CDH13: variants seen among roughly 807,000 people sequenced by gnomAD.
CDH13 encodes the protein cadherin 13, also known as cadherin-13.
CDH13 carries 24 observed loss-of-function variants against 63.8 expected under a neutral mutation model. That is an observed-to-expected ratio of 0.38 (90% CI 0.27 to 0.53). The LOEUF (loss-of-function observed/expected upper bound fraction) is 0.53. Among genes scored for constraint, CDH13 ranks in the 20% least tolerant of loss-of-function variants. CDH13 has a pLI of 0.85. For missense variants in CDH13, 1,049 were observed against 903.1 expected (o/e 1.16, Z -2.07); for synonymous variants, 503 against 355.3 (o/e 1.42, Z -4.67).
At chr16:82,873,510 T>C (rs1313458655) in intron 2 of CDH13, among the ~76,000 whole-genome samples, 3 of 152,164 alleles carry the variant, frequency 2.0e-5, no homozygotes, top group South Asian at 2.1e-4. Flanking sequence ...CACAGGACAG[T>C]GGTGTGGGCT....
At chr16:82,750,373 C>T (rs143138215) in intron 1 of CDH13, among the ~76,000 whole-genome samples, 3 of 152,264 alleles carry the variant, frequency 2.0e-5, no homozygotes, top group African/African-American at 7.2e-5. Context: ...CAAGTGTGTG[C>T]CTCTACCAGC....
intron 7 of CDH13, among the ~76,000 whole-genome samples, chr16:83,538,937 A>G (rs1163014924): frequency 6.6e-6 from 1 of 152,196 alleles, no homozygotes. Flanking sequence ...CTACATTTCA[A>G]CTACCAGGGC....
intron 7 of CDH13, among the ~76,000 whole-genome samples, chr16:83,487,772 C>A (rs1481926676): frequency 1.3e-5 from 2 of 152,170 alleles, no homozygotes; most frequent in South Asian, 2.1e-4. Context: ...CTCGGGGGCT[C>A]TGTGCATTTC....
At chr16:83,442,411 C>G (rs1415052207) in intron 6 of CDH13, among the ~76,000 whole-genome samples, 2 of 152,126 alleles carry the variant, frequency 1.3e-5, no homozygotes, top group Admixed American at 6.5e-5. Context: ...GCCAAAGACC[C>G]ATCATTAAAG....
intron 7 of CDH13, among the ~76,000 whole-genome samples, chr16:83,488,604 CTATTTTTT>C (rs2073945201): frequency 6.6e-6 from 1 of 151,886 alleles, no homozygotes. Flanking sequence ...CCAACCCTCC[CTATTTTTT>C]TATTTTTTTA....
In CDH13 at chr16:82,903,519, C is replaced by A. The variant is rs570655870; in HGVS notation, c.157+45046C>A. Among the ~76,000 whole-genome samples, 5 of 152,304 alleles carry A rather than the reference C, an allele frequency of 3.3e-5. No homozygotes were observed. The East Asian group carries it at 7.7e-4, about 24-fold the overall frequency. On this transcript the variant is annotated intron_variant, in intron 2 of 13. Transcript: ENST00000567109. The stretch of plus-strand genomic sequence containing the variant: ...CCTAATTCTGGCCCTTCCTGGCCAC[C>A]CACCCTGCCATTATCTTTCTCTGAC...
rs550041472 is a variant in CDH13, at chr16:83,016,873, TG to T, written c.158-15136del. On this transcript the variant is annotated intron_variant, in intron 2 of 13. Coordinates refer to ENST00000567109, the MANE Select transcript of CDH13 (RefSeq NM_001257.5). ...GGCTACACGTCATTTATGACATTTA[TG>T]AAAACCAAAATTGACATTCTGAAGT... Among the ~76,000 whole-genome samples, 59 of 152,338 alleles carry T rather than the reference TG, an allele frequency of 3.9e-4. No individual in the cohort carries two copies. In the South Asian group the frequency reaches 4.1e-3, roughly 11 times the overall value.
chr16:83,180,397 C>T (rs1005378765), intron 4 of CDH13, among the ~76,000 whole-genome samples: 1 of 151,898 alleles, frequency 6.6e-6, no homozygotes, highest in South Asian at 2.1e-4. Context: ...AGGAACTATC[C>T]TAATATGGAT....
At chr16:83,144,934 C>G (rs1170091986) in intron 4 of CDH13, among the ~76,000 whole-genome samples, 4 of 152,208 alleles carry the variant, frequency 2.6e-5, no homozygotes, top group African/African-American at 9.6e-5. Context: ...GAGGAGCCCT[C>G]TGGAGAACAG....
chr16:83,062,962 ATT>A (rs61186735), intron 3 of CDH13, among the ~76,000 whole-genome samples: 16,624 of 133,864 alleles, frequency 0.12, 1,017 homozygotes, highest in African/African-American at 0.18. Flanking sequence ...GGTGGTTGGC[ATT>A]TTTTTTTTTT....
At chr16:83,696,159 G>A (rs1905373663) in intron 10 of CDH13, among the ~76,000 whole-genome samples, 1 of 152,148 alleles carries the variant, frequency 6.6e-6, no homozygotes, top group African/African-American at 2.4e-5. Context: ...CCACAGTGCT[G>A]GGATTACAGA....
At chr16:83,338,199 A>AC (rs2090642351) in intron 5 of CDH13, among the ~76,000 whole-genome samples, 3 of 151,718 alleles carry the variant, frequency 2.0e-5, no homozygotes, top group Middle Eastern at 3.4e-3. Flanking sequence ...AAAAAAAAAA[A>AC]AAAACAAGTA....
intron 11 of CDH13, among the ~76,000 whole-genome samples, chr16:83,754,450 C>T (rs1439025084): frequency 1.3e-5 from 2 of 152,086 alleles, no homozygotes; most frequent in East Asian, 3.9e-4. Flanking sequence ...CTTTTCAAGC[C>T]CTTACTAAGT....
intron 8 of CDH13, among the ~76,000 whole-genome samples, chr16:83,622,380 G>A (rs1051200158): frequency 2.0e-5 from 3 of 152,186 alleles, no homozygotes; most frequent in Admixed American, 1.3e-4. Context: ...CGAAATGAGA[G>A]AAATCAGGCC....
rs145935832 is a variant in CDH13, at chr16:83,178,772, G to GT, written c.484-38565dup. ...GAATCCATACAGTCATTGAGGCTTT[G>GT]TTTTTTTTCATCTTCCACTCGTTTC... On this transcript the variant is annotated intron_variant, in intron 4 of 13. Transcript: ENST00000567109. 8.7e-3 allele frequency among the ~76,000 whole-genome samples: 1,320 copies of GT among 151,716 alleles called. 23 individuals carry two copies. The highest frequency in any genetic ancestry group is 0.031 in the African/African-American group (1,273 of 41,364).
intron 10 of CDH13, among the ~76,000 whole-genome samples, chr16:83,711,717 A>T (rs1278891126): frequency 6.6e-6 from 1 of 152,130 alleles, no homozygotes; most frequent in Non-Finnish European, 1.5e-5. Context: ...GGATTTCACC[A>T]TGTTGGCCAG....
chr16:83,307,631 G>T (rs1022482802), intron 5 of CDH13, among the ~76,000 whole-genome samples: 3 of 152,176 alleles, frequency 2.0e-5, no homozygotes, highest in African/African-American at 7.2e-5. Context: ...AACCCACACT[G>T]CTTCAGAGTC....
chr16:83,736,003 G>A (rs919878776), intron 10 of CDH13: 1 of 152,114 alleles, frequency 6.6e-6, no homozygotes, highest in African/African-American at 2.4e-5. Context: ...ACCAAGTAAA[G>A]CTTACGTTGC....
chr16:83,098,113 A>G lies in CDH13; in HGVS notation c.367-27272A>G, dbSNP rs9933864. Reference sequence around the variant, plus strand: ...AGGGTCTGGCTTATAACAAAGAGGAAATAATCTTTGAGACCAAACAGAAAA... The same window carrying G: ...AGGGTCTGGCTTATAACAAAGAGGAGATAATCTTTGAGACCAAACAGAAAA... On this transcript the variant is annotated intron_variant, in intron 3 of 13. Transcript: ENST00000567109. 2.1e-3 allele frequency among the ~76,000 whole-genome samples: 323 copies of G among 152,334 alleles called. 3 individuals are homozygous for G. The highest frequency in any genetic ancestry group is 7.4e-3 in the African/African-American group (307 of 41,574).
Sources: allele counts gnomAD v4.1 joint callset (sites outside exome capture counted in the v4.1 genomes callset), GRCh38; gene constraint gnomAD v4.1.1; transcripts MANE v1.5; gene names NCBI Gene and HGNC (gene_info 2026-07-23, HGNC 2026-07-21).